TMEM132D: variants seen among roughly 807,000 people sequenced by gnomAD.
TMEM132D encodes transmembrane protein 132D.
In TMEM132D, 21 loss-of-function variants were observed where a neutral mutation model predicts 62.3. The ratio of observed to expected loss-of-function variants is 0.34; its 90% CI spans 0.24 to 0.49. The LOEUF (loss-of-function observed/expected upper bound fraction) is 0.49, where lower values mean the gene tolerates loss of function less well. TMEM132D is among the 20% of genes least tolerant of loss of function. TMEM132D has a pLI of 0.99. For missense variants in TMEM132D, 1,346 were observed against 1,402.8 expected, an observed-to-expected ratio of 0.96 and a Z score of 0.65; for synonymous variants, 621 against 575.6, an observed-to-expected ratio of 1.08 and a Z score of -1.13.
At position 129,322,047 on chromosome 12, in the gene TMEM132D, G is replaced by A. The variant is rs561844214; in HGVS notation, c.1299+15587C>T. On this transcript the variant is annotated intron_variant, in intron 4 of 8. Transcript: ENST00000422113. ...AGTCAGACATCCATTTTAGTCATGT[G>A]ACTTCCAGTAAGTTATTTTCTTTCC... Among the ~76,000 whole-genome samples, 36 of 152,178 alleles carry A rather than the reference G, an allele frequency of 2.4e-4. No individual in the cohort carries two copies. In the South Asian group the frequency reaches 3.1e-3, roughly 13 times the overall value.
chr12:129,284,348 T>A (rs1025787826), intron 4 of TMEM132D, among the ~76,000 whole-genome samples: 3 of 152,204 alleles, frequency 2.0e-5, no homozygotes, highest in African/African-American at 7.2e-5. Context: ...TTTGTCTCAG[T>A]CAACTTACAG....
At chr12:129,433,492 G>T (rs1872715859) in intron 3 of TMEM132D, among the ~76,000 whole-genome samples, 1 of 151,968 alleles carries the variant, frequency 6.6e-6, no homozygotes, top group Admixed American at 6.6e-5. Context: ...ATTTCTCGTT[G>T]ATCCTCCTTG....
chr12:129,075,910 C>T (rs1301293058), intron 8 of TMEM132D, among the ~76,000 whole-genome samples: 1 of 152,130 alleles, frequency 6.6e-6, no homozygotes, highest in African/African-American at 2.4e-5. Flanking sequence ...GTGGCAGATC[C>T]ATTGCTTCCT....
intron 3 of TMEM132D, among the ~76,000 whole-genome samples, chr12:129,489,846 T>C (rs1344846315): frequency 2.0e-5 from 3 of 152,204 alleles, no homozygotes; most frequent in Non-Finnish European, 4.4e-5. Context: ...TTTCTAGCCA[T>C]AATACAATAA....
At chr12:129,699,223 G>A (rs890551599) in intron 2 of TMEM132D, among the ~76,000 whole-genome samples, 3 of 152,040 alleles carry the variant, frequency 2.0e-5, no homozygotes, top group African/African-American at 7.2e-5. Context: ...CTTCTCTTTG[G>A]TATATTCTTA....
chr12:129,787,508 G>C lies in TMEM132D; in HGVS notation c.80-86810C>G, dbSNP rs562473921. Among the ~76,000 whole-genome samples, 52 of 152,300 alleles carry C rather than the reference G, an allele frequency of 3.4e-4. No homozygotes were observed. In the South Asian group the frequency reaches 0.01, roughly 30 times the overall value. ...ACTTCTGTCTCTTAATCTACAGAAAGAGCGAAGTTTTATTTGCCCGAATTA... is the reference window on the plus strand; with the variant it reads ...ACTTCTGTCTCTTAATCTACAGAAACAGCGAAGTTTTATTTGCCCGAATTA... On this transcript the variant is annotated intron_variant, in intron 1 of 8. Transcript: ENST00000422113.
intron 2 of TMEM132D, among the ~76,000 whole-genome samples, chr12:129,582,585 G>C (rs1028654071): frequency 1.3e-4 from 20 of 151,786 alleles, no homozygotes; most frequent in Admixed American, 1.1e-3. Flanking sequence ...AATAGTATTT[G>C]AACTACTTGT....
intron 3 of TMEM132D, among the ~76,000 whole-genome samples, chr12:129,385,386 A>G (rs1871081829): frequency 6.6e-6 from 1 of 152,020 alleles, no homozygotes; most frequent in Non-Finnish European, 1.5e-5. Context: ...GATTACAAGC[A>G]TGAGCCACCG....
At chr12:129,378,980 C>T (rs1029892042) in intron 3 of TMEM132D, among the ~76,000 whole-genome samples, 3 of 152,156 alleles carry the variant, frequency 2.0e-5, no homozygotes, top group Non-Finnish European at 4.4e-5. Flanking sequence ...GGGGGGGACA[C>T]TTAATCAGAG....
At chr12:129,376,251 A>G (rs1870776395) in intron 3 of TMEM132D, among the ~76,000 whole-genome samples, 1 of 152,162 alleles carries the variant, frequency 6.6e-6, no homozygotes, top group South Asian at 2.1e-4. Flanking sequence ...GGTGATGCAT[A>G]AAGGAAAGAT....
At chr12:129,895,151 G>T (rs1875064128) in intron 1 of TMEM132D, among the ~76,000 whole-genome samples, 1 of 152,330 alleles carries the variant, frequency 6.6e-6, no homozygotes, top group East Asian at 1.9e-4. Flanking sequence ...CATCTGAGCT[G>T]CTGGGAATCC....
At chr12:129,173,493 C>A (rs1397912597) in intron 5 of TMEM132D, among the ~76,000 whole-genome samples, 1 of 152,100 alleles carries the variant, frequency 6.6e-6, no homozygotes, top group African/African-American at 2.4e-5. Flanking sequence ...TTTTTCTCAC[C>A]AAAGATTTTC....
chr12:129,330,414 T>G (rs1010784877), intron 4 of TMEM132D, among the ~76,000 whole-genome samples: 2 of 152,206 alleles, frequency 1.3e-5, no homozygotes, highest in Non-Finnish European at 2.9e-5. Flanking sequence ...TGTTGACACT[T>G]AATCCCCACT....
chr12:129,311,644 G>A (rs1366184293), intron 4 of TMEM132D, among the ~76,000 whole-genome samples: 4 of 152,170 alleles, frequency 2.6e-5, no homozygotes, highest in East Asian at 1.9e-4. Context: ...GCCACATGAC[G>A]GGAAATACAA....
At chr12:129,538,300 A>G (rs1164416759) in intron 2 of TMEM132D, among the ~76,000 whole-genome samples, 2 of 152,232 alleles carry the variant, frequency 1.3e-5, no homozygotes, top group African/African-American at 2.4e-5. Flanking sequence ...CACCCAGTCT[A>G]TAATTTTATA....
At chr12:129,391,589 A>G (rs1230649752) in intron 3 of TMEM132D, among the ~76,000 whole-genome samples, 1 of 152,088 alleles carries the variant, frequency 6.6e-6, no homozygotes, top group Non-Finnish European at 1.5e-5. Flanking sequence ...GTGGACTAAG[A>G]TCTCATCATT....
chr12:129,510,321 T>C (rs1193720798), intron 3 of TMEM132D, among the ~76,000 whole-genome samples: 2 of 152,304 alleles, frequency 1.3e-5, no homozygotes, highest in South Asian at 2.1e-4. Flanking sequence ...TTAGATTTTT[T>C]CCCTATAGAG....
intron 3 of TMEM132D, among the ~76,000 whole-genome samples, chr12:129,340,464 C>G (rs1013813520): frequency 6.6e-6 from 1 of 151,968 alleles, no homozygotes; most frequent in Non-Finnish European, 1.5e-5. Context: ...CCCTTCCCCC[C>G]ACCCCACAAT....
chr12:129,144,050 T>G (rs560455525), intron 5 of TMEM132D, among the ~76,000 whole-genome samples: 5 of 152,230 alleles, frequency 3.3e-5, no homozygotes, highest in Non-Finnish European at 7.4e-5. Context: ...TCTGCTCAAA[T>G]AGCGTATCAG....
Sources: allele counts gnomAD v4.1 joint callset (sites outside exome capture counted in the v4.1 genomes callset), GRCh38; gene constraint gnomAD v4.1.1; transcripts MANE v1.5; gene names NCBI Gene and HGNC (gene_info 2026-07-23, HGNC 2026-07-21).